The following SEMA3C variants were observed in gnomAD, a reference collection of about 807,000 sequenced individuals.
The protein encoded by SEMA3C is semaphorin-3C.
SEMA3C carries 47 observed loss-of-function variants against 89.4 expected under a neutral mutation model. That is an observed-to-expected ratio of 0.53 (90% CI 0.42 to 0.67). The LOEUF (loss-of-function observed/expected upper bound fraction) is 0.67. Ranked by LOEUF, SEMA3C falls within the 30% of genes least tolerant of loss-of-function variation. The probability of loss-of-function intolerance (pLI) is 0.00; values close to 1 mark genes in which losing one functional copy is unlikely to be tolerated. For missense variants in SEMA3C, 839 were observed against 929.1 expected, an observed-to-expected ratio of 0.90 and a Z score of 1.26; for synonymous variants, 310 against 320.2, an observed-to-expected ratio of 0.97 and a Z score of 0.34.
At position 80,749,003 on chromosome 7, in the gene SEMA3C, G is replaced by C. The variant is rs2272351; in HGVS notation, c.1737C>G (p.Val579=). The change falls in exon 17 of 18, where the codon GTC becomes GTG. Residue 579 remains valine (V), a synonymous_variant. Coordinates refer to ENST00000265361, the MANE Select transcript of SEMA3C (RefSeq NM_006379.5). ...TGGTGTTATTTTTTACTCCATACTG[G>C]ACAATTTCAGCTGCATTTCTGTATG... The part of the protein sequence containing the change: ...LKAYRNAAEI[V]QYGVKNNTTF... The C allele has an allele frequency of 0.97, 1,563,493 of 1,611,996 alleles. 761,424 individuals are homozygous for C. The highest frequency in any genetic ancestry group is 0.99 in the Non-Finnish European group (1,172,245 of 1,179,246).
intron 2 of SEMA3C, among the ~76,000 whole-genome samples, chr7:80,884,715 T>A (rs1791432086): frequency 6.6e-6 from 1 of 152,210 alleles, no homozygotes; most frequent in Non-Finnish European, 1.5e-5. Flanking sequence ...TAAACACATG[T>A]TCAGCAGAAA....
intron 12 of SEMA3C, among the ~76,000 whole-genome samples, chr7:80,765,582 GT>G (rs113111618): frequency 0.045 from 4,700 of 105,372 alleles, 102 homozygotes; most frequent in African/African-American, 0.084. Flanking sequence ...GTTTTGTTTT[GT>G]TTTGTTTGTT....
In SEMA3C at chr7:80,746,181, C is replaced by T. The variant is rs932703206; in HGVS notation, c.1843-874G>A. Among the ~76,000 whole-genome samples the T allele has an allele frequency of 2.0e-5, 3 of 151,968 alleles. No homozygotes were observed. In the East Asian group the frequency reaches 5.8e-4, roughly 29 times the overall value. Reference sequence around the variant, plus strand: ...ACCAAAACCAAAATTAGATAATGCACGTTAAATGTTTTCCTAAATGATAAA... The same window carrying T: ...ACCAAAACCAAAATTAGATAATGCATGTTAAATGTTTTCCTAAATGATAAA... On this transcript the variant is annotated intron_variant, in intron 17 of 17. Coordinates refer to ENST00000265361, the MANE Select transcript of SEMA3C (RefSeq NM_006379.5).
rs3778672 is a variant in SEMA3C at position 80,753,244 on chromosome 7, T to C, written c.1644-1908A>G. Among the ~76,000 whole-genome samples, 2,219 of 152,314 alleles carry C rather than the reference T, an allele frequency of 0.015. 177 individuals are homozygous for C. In the East Asian group the frequency reaches 0.23, roughly 16 times the overall value. Reference sequence around the variant, plus strand: ...AGGAAATATGATTAATATGGTAGTGTATTCTAGAATAGCTCGCATATCAAG... The same window carrying C: ...AGGAAATATGATTAATATGGTAGTGCATTCTAGAATAGCTCGCATATCAAG... On this transcript the variant is annotated intron_variant, in intron 15 of 17. Transcript: ENST00000265361.
chr7:80,775,618 T>C (rs1157500526), intron 12 of SEMA3C, among the ~76,000 whole-genome samples: 1 of 152,124 alleles, frequency 6.6e-6, no homozygotes, highest in African/African-American at 2.4e-5. Flanking sequence ...GCAAAATCTG[T>C]CCTGACTTGA....
chr7:80,922,085 C>T (rs1055659312), upstream of SEMA3C, among the ~76,000 whole-genome samples: 6 of 152,006 alleles, frequency 3.9e-5, no homozygotes, highest in Admixed American at 1.3e-4. Flanking sequence ...TGTGTATTTG[C>T]GAGGTACTTT....
intron 2 of SEMA3C, among the ~76,000 whole-genome samples, chr7:80,902,125 G>A (rs1294321283): frequency 2.6e-5 from 4 of 152,146 alleles, no homozygotes; most frequent in Non-Finnish European, 5.9e-5. Flanking sequence ...ACTAGTTTCT[G>A]TATGTTTTGT....
intron 15 of SEMA3C, among the ~76,000 whole-genome samples, chr7:80,754,966 T>TTTTTTTTG (rs1788031870): frequency 2.2e-5 from 3 of 139,038 alleles, no homozygotes; most frequent in Non-Finnish European, 4.7e-5. Context: ...TGTTTTTTTT[T>TTTTTTTTG]TTTTTGTATT....
chr7:80,763,947 C>G (rs1788241323), intron 13 of SEMA3C, among the ~76,000 whole-genome samples: 1 of 152,108 alleles, frequency 6.6e-6, no homozygotes, highest in Admixed American at 6.6e-5. Flanking sequence ...TCACAAAGAA[C>G]CTGTGCCAAA....
In SEMA3C at chr7:80,772,320, T is replaced by TA. The variant is rs1385784494; in HGVS notation, c.1355-7078dup. Among the ~76,000 whole-genome samples, 4 of 152,226 alleles carry TA rather than the reference T, an allele frequency of 2.6e-5. No homozygotes were observed. In the East Asian group the frequency reaches 7.7e-4, roughly 29 times the overall value. On this transcript the variant is annotated intron_variant, in intron 12 of 17. Transcript: ENST00000265361. ...AGAATAAAACTGAATCATGAGTTTATAAAATCTTTATTAGTTCACTGAATC... is the reference window on the plus strand; with the variant it reads ...AGAATAAAACTGAATCATGAGTTTATAAAAATCTTTATTAGTTCACTGAATC...
intron 13 of SEMA3C, among the ~76,000 whole-genome samples, chr7:80,764,348 T>C (rs570263864): frequency 1.3e-5 from 2 of 152,206 alleles, no homozygotes; most frequent in Non-Finnish European, 2.9e-5. Flanking sequence ...CATGCCAAAC[T>C]TTCTTTGCAA....
intron 11 of SEMA3C, among the ~76,000 whole-genome samples, chr7:80,792,997 T>A (rs1475993720): frequency 6.6e-6 from 1 of 152,232 alleles, no homozygotes; most frequent in African/African-American, 2.4e-5. Flanking sequence ...ACATAACATC[T>A]ATGTGCTAAC....
At position 80,886,355 on chromosome 7, in the gene SEMA3C, C is replaced by CTT. The variant is rs71893387; in HGVS notation, c.103+30322_103+30323dup. Reference sequence around the variant, plus strand: ...GGATGTTGTACAACTGGAAATTAAACTTTTTTTTTTTTTTTGGAGACAGAG... The same window carrying CTT: ...GGATGTTGTACAACTGGAAATTAAACTTTTTTTTTTTTTTTTTGGAGACAGAG... On this transcript the variant is annotated intron_variant, in intron 2 of 17. Transcript: ENST00000265361. Among the ~76,000 whole-genome samples, 13 of 141,204 alleles carry CTT rather than the reference C, an allele frequency of 9.2e-5. No homozygotes were observed. The East Asian group carries it at 1.0e-3, about 11-fold the overall frequency. The allele number at this position is 141,204 out of a possible 152,430, so 92.6% of individuals were successfully genotyped here. A position where few individuals can be genotyped will look rare whatever the true frequency, so the allele number is the denominator to read the frequency against.
intron 2 of SEMA3C, among the ~76,000 whole-genome samples, chr7:80,871,590 G>A (rs868067159): frequency 2.0e-5 from 3 of 152,084 alleles, no homozygotes; most frequent in East Asian, 1.9e-4. Flanking sequence ...AGACCTTGGC[G>A]ATCACCTTGA....
intron 4 of SEMA3C, among the ~76,000 whole-genome samples, chr7:80,823,348 G>T (rs1162073974): frequency 2.0e-5 from 3 of 152,106 alleles, no homozygotes; most frequent in Admixed American, 6.6e-5. Context: ...AGTCTCCAAG[G>T]TCGAAGAGCT....
At chr7:80,756,869 C>A (rs1375015759) in intron 15 of SEMA3C, among the ~76,000 whole-genome samples, 4 of 152,192 alleles carry the variant, frequency 2.6e-5, no homozygotes, top group African/African-American at 9.7e-5. Context: ...ATTGTACCTA[C>A]CTTCTCTGCC....
chr7:80,802,911 C>A, intron 8 of SEMA3C, 132 bp from the exon 9 acceptor site: 1 of 547,878 alleles, frequency 1.8e-6, no homozygotes, highest in South Asian at 2.5e-5. Context: ...TTCTGCACAT[C>A]AGTTGTCAAA....
chr7:80,856,092 T>C (rs1399618275), intron 2 of SEMA3C, among the ~76,000 whole-genome samples: 2 of 152,134 alleles, frequency 1.3e-5, no homozygotes, highest in Non-Finnish European at 2.9e-5. Flanking sequence ...TTATTAAACA[T>C]AGTTATCAAA....
At position 80,790,733 on chromosome 7, in the gene SEMA3C, G is replaced by A. The variant is rs543089344; in HGVS notation, c.1132-1205C>T. Among the ~76,000 whole-genome samples the A allele has an allele frequency of 5.3e-5, 8 of 152,144 alleles. No homozygotes were observed. In the South Asian group the frequency reaches 1.7e-3, roughly 32 times the overall value. On this transcript the variant is annotated intron_variant, in intron 11 of 17. Transcript: ENST00000265361. The stretch of plus-strand genomic sequence containing the variant: ...TCCATCTTTACTTTCTGTCTCCTTG[G>A]CCTGCTATTTTTCTTCACAGCCCTA...
Sources: gnomAD v4.1 joint callset for allele counts (sites outside exome capture counted in the v4.1 genomes callset) on GRCh38, gnomAD v4.1.1 for gene constraint, MANE v1.5 for transcripts, NCBI Gene and HGNC (gene_info 2026-07-23, HGNC 2026-07-21) for gene names.